The following ANK3 variants were observed in gnomAD, a reference collection of about 807,000 sequenced individuals.
The protein encoded by ANK3 is ankyrin-3.
A neutral mutation model predicts 370.9 loss-of-function variants in ANK3; 57 were observed. The ratio of observed to expected loss-of-function variants is 0.15; its 90% CI spans 0.12 to 0.19. The LOEUF is 0.19. Among genes scored for constraint, ANK3 ranks in the 10% least tolerant of loss-of-function variants. ANK3 has a pLI of 1.00. For missense variants in ANK3, 4,439 were observed against 5,302.1 expected, an observed-to-expected ratio of 0.84 and a Z score of 5.06; for synonymous variants, 1,929 against 1,946.3, an observed-to-expected ratio of 0.99 and a Z score of 0.23.
At chr10:60,244,894 G>A (rs986172711) in intron 7 of ANK3, among the ~76,000 whole-genome samples, 1 of 152,312 alleles carries the variant, frequency 6.6e-6, no homozygotes, top group Non-Finnish European at 1.5e-5. Flanking sequence ...TTTGGGCCGG[G>A]CGCGGTGGCT....
At chr10:60,267,113 A>G (rs2097893611) in intron 5 of ANK3, among the ~76,000 whole-genome samples, 1 of 152,202 alleles carries the variant, frequency 6.6e-6, no homozygotes, top group Admixed American at 6.5e-5. Context: ...AAAAAAATAC[A>G]TTTGAAAGAA....
rs372646492 is a variant in ANK3 at position 60,109,002 on chromosome 10, G to A, written c.3001C>T (p.Arg1001Cys). ...DARGGSMRGS[R>C]HHGMRIIIPP... The stretch of plus-strand genomic sequence containing the variant: ...ATGATGATTCTCATCCCGTGATGAC[G>A]GCTTCCTCTCATGGAGCCCCCTCTC... The change falls in exon 27 of 44, where the codon CGT (arginine) becomes TGT (cysteine). Residue 1001 changes from arginine to cysteine, a missense_variant. Coordinates refer to ENST00000280772, the MANE Select transcript of ANK3 (RefSeq NM_020987.5). 1 of 1,613,794 alleles carries A rather than the reference G, an allele frequency of 6.2e-7. No individual in the cohort carries two copies. Among genetic ancestry groups the A allele is most frequent in the Non-Finnish European group, 8.5e-7 (1 of 1,179,984 alleles).
intron 2 of ANK3, among the ~76,000 whole-genome samples, chr10:60,537,898 T>C (rs755189191): frequency 2.6e-5 from 4 of 151,982 alleles, no homozygotes; most frequent in Non-Finnish European, 5.9e-5. Context: ...TTCATTTGTG[T>C]ACAATGACTA....
At chr10:60,566,624 G>C (rs1247814847) in intron 2 of ANK3, among the ~76,000 whole-genome samples, 1 of 152,192 alleles carries the variant, frequency 6.6e-6, no homozygotes, top group Non-Finnish European at 1.5e-5. Flanking sequence ...TGTAATTCCA[G>C]CACTTTGGAA....
chr10:60,641,927 A>T (rs1298633304), intron 1 of ANK3, among the ~76,000 whole-genome samples: 2 of 149,398 alleles, frequency 1.3e-5, no homozygotes, highest in African/African-American at 4.9e-5. Flanking sequence ...ACTCAAACAA[A>T]TTTACAAGAA....
chr10:60,376,007 T>C (rs2060722316), intron 1 of ANK3, among the ~76,000 whole-genome samples: 1 of 152,204 alleles, frequency 6.6e-6, no homozygotes, highest in Non-Finnish European at 1.5e-5. Flanking sequence ...TTAGCCTTCA[T>C]AGCGTCTCTT....
At chr10:60,698,758 G>T (rs1362050630) in intron 1 of ANK3, among the ~76,000 whole-genome samples, 1 of 103,780 alleles carries the variant, frequency 9.6e-6, no homozygotes, top group East Asian at 3.6e-4. Context: ...GTTGTGGGGT[G>T]GGGGGAGGGG....
At chr10:60,484,800 CA>C (rs1346453162) in intron 2 of ANK3, among the ~76,000 whole-genome samples, 1 of 152,088 alleles carries the variant, frequency 6.6e-6, no homozygotes, top group Non-Finnish European at 1.5e-5. Context: ...TTAACCTTTT[CA>C]AAAATTATGA....
In ANK3 at chr10:60,073,406, C is replaced by T. The variant is rs868483729; in HGVS notation, c.7475G>A (p.Ser2492Asn). Residue 2492 changes from serine to asparagine, a missense_variant, in exon 37 of 44, where the codon AGC becomes AAC. Coordinates refer to ENST00000280772, the MANE Select transcript of ANK3 (RefSeq NM_020987.5). Reference sequence around the variant, plus strand: ...CTTATCAGACCCCTGTAACTCTGAGCTAGGGGGTCCTGCATGGTCTGTAAC... The same window carrying T: ...CTTATCAGACCCCTGTAACTCTGAGTTAGGGGGTCCTGCATGGTCTGTAAC... ...ESVTDHAGPP[S>N]SELQGSDKRS... is the part of the protein sequence containing the mutation. 6.2e-7 allele frequency: 1 copy of T among 1,613,780 alleles called. No homozygotes were observed. Among genetic ancestry groups the T allele is most frequent in the Non-Finnish European group, 8.5e-7 (1 of 1,179,966 alleles).
At chr10:60,358,157 C>T (rs917460515) in intron 1 of ANK3, among the ~76,000 whole-genome samples, 1 of 151,708 alleles carries the variant, frequency 6.6e-6, no homozygotes, top group African/African-American at 2.4e-5. Flanking sequence ...AAACTTCTCT[C>T]TTATCCCACT....
upstream of ANK3, among the ~76,000 whole-genome samples, chr10:60,391,148 T>C (rs530135212): frequency 6.8e-4 from 104 of 152,306 alleles, 1 homozygote; most frequent in Non-Finnish European, 1.2e-3. Context: ...TCAGGGACCA[T>C]GGCATCCCAT....
Position 60,149,834 on chromosome 10 carries a change from G to T in ANK3, c.2615-10747C>A, listed in dbSNP as rs568477322. The stretch of plus-strand genomic sequence containing the variant: ...AGTGAGTCTCCTGCCTCAGCCTCCT[G>T]AGTAGCTGGGATTACAGGCACCCAC... On this transcript the variant is annotated intron_variant, in intron 23 of 43. Transcript: ENST00000280772. Among the ~76,000 whole-genome samples, 3 of 152,274 alleles carry T rather than the reference G, an allele frequency of 2.0e-5. No homozygotes were observed. The East Asian group carries it at 5.8e-4, about 29-fold the overall frequency.
chr10:60,385,736 C>A (rs999728107), intron 1 of ANK3, among the ~76,000 whole-genome samples: 6 of 152,122 alleles, frequency 3.9e-5, no homozygotes, highest in African/African-American at 1.4e-4. Flanking sequence ...ATCTACCTAC[C>A]TACTTACCTA....
intron 33 of ANK3, among the ~76,000 whole-genome samples, chr10:60,083,130 C>G (rs545283425): frequency 1.3e-5 from 2 of 152,176 alleles, no homozygotes; most frequent in East Asian, 1.9e-4. Context: ...CTAGAACGTC[C>G]CTGGGCTCCA....
At chr10:60,190,846 T>C (rs998840061) in intron 16 of ANK3, among the ~76,000 whole-genome samples, 1 of 152,174 alleles carries the variant, frequency 6.6e-6, no homozygotes, top group African/African-American at 2.4e-5. Context: ...ACTACAAGGC[T>C]ATAGTAACCA....
chr10:60,178,940 A>G (rs968519391), intron 18 of ANK3, among the ~76,000 whole-genome samples: 18 of 151,938 alleles, frequency 1.2e-4, no homozygotes, highest in Non-Finnish European at 1.2e-4. Context: ...ATAAAGGGTC[A>G]GCAAACTGGA....
intron 1 of ANK3, among the ~76,000 whole-genome samples, chr10:60,639,356 C>T (rs12414358): frequency 0.11 from 17,068 of 150,676 alleles, 1,427 homozygotes; most frequent in East Asian, 0.27. Context: ...ACCACTAGAC[C>T]TCCACTAAAA....
chr10:60,202,726 G>A (rs1010804339), intron 12 of ANK3, among the ~76,000 whole-genome samples: 63 of 152,084 alleles, frequency 4.1e-4, no homozygotes, highest in African/African-American at 1.5e-3. Flanking sequence ...GGGCAAAATA[G>A]TGAGGCCCCC....
chr10:60,233,037 C>A (rs138090449), intron 8 of ANK3, among the ~76,000 whole-genome samples: 1 of 152,138 alleles, frequency 6.6e-6, no homozygotes, highest in Non-Finnish European at 1.5e-5. Context: ...GGATGTTTGT[C>A]GTGAGACCAT....
Sources: allele counts gnomAD v4.1 joint callset (sites outside exome capture counted in the v4.1 genomes callset), GRCh38; gene constraint gnomAD v4.1.1; transcripts MANE v1.5; gene names NCBI Gene and HGNC (gene_info 2026-07-23, HGNC 2026-07-21).